Variants in DLG2 observed in about 807,000 individuals in gnomAD.
The protein encoded by DLG2 is discs large MAGUK scaffold protein 2.
In DLG2, 45 loss-of-function variants were observed where a neutral mutation model predicts 132.5. The ratio of observed to expected loss-of-function variants is 0.34; its 90% confidence interval spans 0.27 to 0.44. The LOEUF (loss-of-function observed/expected upper bound fraction) is 0.44. Among genes scored for constraint, DLG2 ranks in the 20% least tolerant of loss-of-function variants. The pLI, the probability that DLG2 is intolerant of heterozygous loss-of-function variation, is 1.00. For synonymous variants in DLG2, 424 were observed against 419.6 expected (o/e 1.01, Z -0.13); for missense variants, 1,045 against 1,196.9 (o/e 0.87, Z 1.87).
At chr11:84,720,604 G>A (rs373969245) in intron 6 of DLG2, among the ~76,000 whole-genome samples, 1 of 152,142 alleles carries the variant, frequency 6.6e-6, no homozygotes, top group Non-Finnish European at 1.5e-5. Flanking sequence ...CGAGGCGTGT[G>A]GGGGGAGGGA....
chr11:84,317,481 C>A (rs962178848), intron 7 of DLG2: 2 of 602,508 alleles, frequency 3.3e-6, no homozygotes, highest in East Asian at 7.9e-5. Flanking sequence ...TTGGATGGAG[C>A]CCTACAGTAA....
chr11:84,021,923 T>G (rs113136973), intron 11 of DLG2, among the ~76,000 whole-genome samples: 12,678 of 152,052 alleles, frequency 0.083, 623 homozygotes, highest in African/African-American at 0.12. Flanking sequence ...AATTCTGTAT[T>G]TTTAGTAGAG....
intron 18 of DLG2, among the ~76,000 whole-genome samples, chr11:83,658,285 T>C (rs934507987): frequency 1.3e-5 from 2 of 152,232 alleles, no homozygotes; most frequent in Admixed American, 1.3e-4. Context: ...AACAAATATA[T>C]AGAGACTTTA....
chr11:85,414,550 T>G (rs1020690760), intron 3 of DLG2, among the ~76,000 whole-genome samples: 2 of 152,002 alleles, frequency 1.3e-5, no homozygotes, highest in Admixed American at 6.6e-5. Context: ...TCATGCGCTG[T>G]TGAATAGAAT....
intron 6 of DLG2, among the ~76,000 whole-genome samples, chr11:85,091,951 A>G (rs2068850066): frequency 1.3e-5 from 2 of 152,202 alleles, no homozygotes; most frequent in Non-Finnish European, 2.9e-5. Context: ...TCTCAATGGC[A>G]TCTAGAATGG....
chr11:83,480,737 T>C (rs1330123209), intron 22 of DLG2: 4 of 944,722 alleles, frequency 4.2e-6, no homozygotes, highest in Admixed American at 2.2e-5. Context: ...TCAAGATTTA[T>C]GTGACAATGA....
intron 5 of DLG2, among the ~76,000 whole-genome samples, chr11:85,141,713 TTTTTA>T (rs1258904826): frequency 1.3e-5 from 2 of 151,924 alleles, no homozygotes; most frequent in Non-Finnish European, 2.9e-5. Flanking sequence ...CTTTAATCCA[TTTTTA>T]TTTTATTTTT....
chr11:84,686,196 T>C (rs927454545), intron 6 of DLG2, among the ~76,000 whole-genome samples: 10 of 152,312 alleles, frequency 6.6e-5, no homozygotes, highest in African/African-American at 2.2e-4. Context: ...CCTGCTTGCC[T>C]AAGGTCAGAC....
At chr11:85,513,311 A>C (rs113506046) in intron 3 of DLG2, among the ~76,000 whole-genome samples, 12 of 152,090 alleles carry the variant, frequency 7.9e-5, no homozygotes, top group African/African-American at 2.7e-4. Context: ...CCCAAATAAC[A>C]GACCTGCATA....
At position 84,953,398 on chromosome 11, in the gene DLG2, T is replaced by C. The variant is rs188377523; in HGVS notation, c.357+158263A>G. Among the ~76,000 whole-genome samples the C allele has an allele frequency of 7.7e-4, 118 of 152,288 alleles. 2 individuals carry two copies. Among genetic ancestry groups the C allele is most frequent in the Admixed American group, 5.4e-3 (83 of 15,302 alleles). The stretch of plus-strand genomic sequence containing the variant: ...GTAATTGTCTCAGCCTATAATACTG[T>C]TCCCCCTGCCTTTACCTGGCCAGCT... On this transcript the variant is annotated intron_variant, in intron 6 of 27. Coordinates refer to ENST00000376104, the MANE Select transcript of DLG2 (RefSeq NM_001142699.3).
At chr11:83,479,821 C>A (rs1367923117) in intron 22 of DLG2, among the ~76,000 whole-genome samples, 1 of 152,020 alleles carries the variant, frequency 6.6e-6, no homozygotes, top group Non-Finnish European at 1.5e-5. Context: ...TCCATCAGTT[C>A]CCCAATTATC....
intron 6 of DLG2, among the ~76,000 whole-genome samples, chr11:84,546,097 A>G (rs2099389247): frequency 6.6e-6 from 1 of 152,062 alleles, no homozygotes; most frequent in African/African-American, 2.4e-5. Context: ...TGCCACTCAT[A>G]TGGTTTGGAT....
At chr11:84,757,359 A>C (rs190273627) in intron 6 of DLG2, among the ~76,000 whole-genome samples, 1 of 152,226 alleles carries the variant, frequency 6.6e-6, no homozygotes, top group Admixed American at 6.5e-5. Context: ...CTTCTCCAGT[A>C]ATTCATTTTT....
intron 7 of DLG2, among the ~76,000 whole-genome samples, chr11:84,506,733 G>T (rs2099242502): frequency 2.6e-5 from 4 of 152,124 alleles, no homozygotes; most frequent in Admixed American, 6.5e-5. Flanking sequence ...AACCAATAAA[G>T]GAGTGGTGGG....
At chr11:84,036,166 G>A (rs2095858247) in intron 11 of DLG2, among the ~76,000 whole-genome samples, 1 of 151,894 alleles carries the variant, frequency 6.6e-6, no homozygotes, top group African/African-American at 2.4e-5. Flanking sequence ...GAAATACGGA[G>A]GTACCAACAC....
At position 83,472,719 on chromosome 11, in the gene DLG2, A is replaced by C. The variant is rs141148554; in HGVS notation, c.2344+8T>G. 8.1e-6 allele frequency: 13 copies of C among 1,610,632 alleles called. No homozygotes were observed. The highest frequency in any genetic ancestry group is 1.0e-5 in the Non-Finnish European group (12 of 1,178,350). ...AAATTAGGAATGAAAGCGTGCTGGG[A>C]AACTTACTTTCCTGCCTTGTAACAG... On this transcript the variant is annotated splice_region_variant and intron_variant, in intron 23 of 27. Coordinates refer to ENST00000376104, the MANE Select transcript of DLG2 (RefSeq NM_001142699.3).
At chr11:84,398,950 T>G (rs1016645120) in intron 7 of DLG2, among the ~76,000 whole-genome samples, 7 of 152,224 alleles carry the variant, frequency 4.6e-5, no homozygotes, top group African/African-American at 1.7e-4. Flanking sequence ...TGTGAATTCA[T>G]TTTCAGAACT....
intron 18 of DLG2, among the ~76,000 whole-genome samples, chr11:83,734,401 TTCCTTC>T (rs1566753641): frequency 1.4e-4 from 13 of 90,592 alleles, no homozygotes; most frequent in African/African-American, 5.5e-4. Flanking sequence ...CCTTCCTTCC[TTCCTTC>T]CCTCCCTCCT....
chr11:83,643,089 A>G (rs2067051633), intron 18 of DLG2, among the ~76,000 whole-genome samples: 1 of 152,216 alleles, frequency 6.6e-6, no homozygotes, highest in Admixed American at 6.5e-5. Flanking sequence ...ATGAAGAAAC[A>G]GATAAAAATG....
Sources: allele counts gnomAD v4.1 joint callset (sites outside exome capture counted in the v4.1 genomes callset), GRCh38; gene constraint gnomAD v4.1.1; transcripts MANE v1.5; gene names NCBI Gene and HGNC (gene_info 2026-07-23, HGNC 2026-07-21).